The following LTK variants were observed in gnomAD, a reference collection of about 807,000 sequenced individuals.
The protein encoded by LTK is leukocyte tyrosine kinase receptor.
LTK carries 117 observed loss-of-function variants against 101.5 expected under a neutral mutation model. The observed-to-expected ratio is 1.15, with a 90% CI of 0.99 to 1.34. The LOEUF is 1.34. LTK is among the 40% of genes most tolerant of loss of function. The probability of loss-of-function intolerance (pLI) is 0.00; values close to 1 mark genes in which losing one functional copy is unlikely to be tolerated. For synonymous variants in LTK, 563 were observed against 494.2 expected, an observed-to-expected ratio of 1.14 and a Z score of -1.85; for missense variants, 1,252 against 1,164.7, an observed-to-expected ratio of 1.07 and a Z score of -1.09.
chr15:41,509,197 C>G (rs572661941), intron 7 of LTK, 68 bp from the exon 8 acceptor site: 2 of 943,792 alleles, frequency 2.1e-6, no homozygotes, highest in Admixed American at 3.5e-5. Context: ...TGGAATCTCC[C>G]GGTGGAAATC....
chr15:41,511,278 C>A lies in LTK; in HGVS notation c.883G>T (p.Glu295Ter). The change falls in exon 7 of 20, where the codon GAG becomes TAG. Residue 295 changes from glutamate (E) to a stop codon, truncating the protein, a stop_gained. Transcript: ENST00000263800. LOFTEE classifies it high-confidence loss of function. The surrounding 1 kb of genome is among the most constrained non-coding windows in gnomAD (Gnocchi z 5.9). ...QAGRSLQEGA[E>*]GGQGCSEAWA... Reference sequence around the variant, plus strand: ...GCCTCGGAGCAGCCCTGGCCGCCCTCCGCCCCCTCCTGCAGTGAGCGGCCG... The same window carrying A: ...GCCTCGGAGCAGCCCTGGCCGCCCTACGCCCCCTCCTGCAGTGAGCGGCCG... 7.0e-7 allele frequency: 1 copy of A among 1,418,902 alleles called. No homozygotes were observed. The highest frequency in any genetic ancestry group is 9.2e-7 in the Non-Finnish European group (1 of 1,091,590). 87.9% of individuals were successfully genotyped at this position (1,418,902 alleles called of 1,614,324 possible).
In LTK at chr15:41,506,345, T is replaced by C. The variant is rs188652690; in HGVS notation, c.1542-340A>G. On this transcript the variant is annotated intron_variant, in intron 11 of 19. Transcript: ENST00000263800. ...TTTTAAACGAAGTCTCACTCTGTCA[T>C]GCAGGCTGGAGTGCAATAGCGCGAT... 3.0e-3 allele frequency among the ~76,000 whole-genome samples: 460 copies of C among 152,284 alleles called. 1 individual carries two copies. The highest frequency in any genetic ancestry group is 0.01 in the Middle Eastern group (3 of 294).
In LTK at chr15:41,505,394, G is replaced by T; in HGVS notation, c.1827+7C>A. The stretch of plus-strand genomic sequence containing the variant: ...GGGGCCTGGGGGGGCTAAGACAAGG[G>T]TCTCACCAGGTGTGGCCGACTGTGC... On this transcript the variant is annotated splice_region_variant and intron_variant, in intron 14 of 19. Transcript: ENST00000263800. 1 of 1,613,962 alleles carries T rather than the reference G, an allele frequency of 6.2e-7. No homozygotes were observed. The highest frequency in any genetic ancestry group is 8.5e-7 in the Non-Finnish European group (1 of 1,179,956).
At chr15:41,508,928 G>C in intron 8 of LTK, 103 bp downstream of exon 8, 1 of 720,932 alleles carries the variant, frequency 1.4e-6, no homozygotes, top group Non-Finnish European at 2.4e-6. Context: ...TGCTATGCAA[G>C]GTTATTCACA....
At position 41,507,390 on chromosome 15, in the gene LTK, G is replaced by A. The variant is rs569228401; in HGVS notation, c.1346-100C>T. 2.0e-5 allele frequency: 29 copies of A among 1,483,306 alleles called. No individual in the cohort carries two copies. In the East Asian group the frequency reaches 4.9e-4, roughly 25 times the overall value. 91.9% of individuals were successfully genotyped at this position (1,483,306 alleles called of 1,614,324 possible). A position where few individuals can be genotyped will look rare whatever the true frequency, so the allele number is the denominator to read the frequency against. On this transcript the variant is annotated intron_variant, in intron 10 of 19. Transcript: ENST00000263800. ...CCTCCAGATGCTCATTAAGGTAAACGTTTTCCCCAGGCCTCCCCAGCTCCT... is the reference window on the plus strand; with the variant it reads ...CCTCCAGATGCTCATTAAGGTAAACATTTTCCCCAGGCCTCCCCAGCTCCT...
chr15:41,513,257 G>T, intron 1 of LTK, 137 bp from the exon 2 acceptor site: 1 of 1,076,118 alleles, frequency 9.3e-7, no homozygotes, highest in East Asian at 2.9e-5. Context: ...TCTCAGCCTG[G>T]AAGCCACTAC....
chr15:41,507,038 G>A (rs1055822936), intron 11 of LTK, 57 bp downstream of exon 11: 6 of 1,503,844 alleles, frequency 4.0e-6, no homozygotes, highest in Admixed American at 4.0e-5. Context: ...AGCAGGGAGA[G>A]AATCAGAGGT....
In LTK at chr15:41,508,241, T is replaced by G. The variant is rs1189382575; in HGVS notation, c.1097-20A>C. On this transcript the variant is annotated intron_variant, in intron 8 of 19. Coordinates refer to ENST00000263800, the MANE Select transcript of LTK (RefSeq NM_002344.6). ...CGGTGACTGTGAGTAAAAGAACTGA[T>G]ATGATATGGTGTGGTAGGGCTGGGA... The G allele has an allele frequency of 3.1e-6, 5 of 1,603,440 alleles. No homozygotes were observed. In the South Asian group the frequency reaches 4.4e-5, roughly 14 times the overall value.
Position 41,512,125 on chromosome 15 carries a change from G to T in LTK, c.500C>A (p.Ala167Asp). ...YILVGQQGED[A>D]CPGGSPESQL... ...ACTGGCTGCGCTCACTCCGGGACAG[G>T]CGTCCTCTCCCTGCTGCCCCACCAG... Residue 167 changes from alanine (A) to aspartate (D), a missense_variant, in exon 4 of 20, where the codon GCC (alanine) becomes GAC (aspartate). Physicochemically the swap from Ala to Asp is moderately radical, Grantham distance 126. Coordinates refer to ENST00000263800, the MANE Select transcript of LTK (RefSeq NM_002344.6). 1.2e-6 allele frequency: 2 copies of T among 1,609,252 alleles called. No homozygotes were observed. The highest frequency in any genetic ancestry group is 1.7e-6 in the Non-Finnish European group (2 of 1,177,952).
intron 1 of LTK, 41 bp downstream of exon 1, chr15:41,513,626 C>T (rs752791783): frequency 6.2e-7 from 1 of 1,601,910 alleles, no homozygotes; most frequent in Non-Finnish European, 8.5e-7. Flanking sequence ...TAGGAAAGTG[C>T]CTCAGGCTGG....
chr15:41,505,148 GGGC>G (rs2051223132), intron 15 of LTK, 57 bp downstream of exon 15: 2 of 1,586,478 alleles, frequency 1.3e-6, no homozygotes, highest in African/African-American at 1.3e-5. Context: ...CTGTGTGGAA[GGGC>G]TGTTCCTTGG....
intron 10 of LTK, 88 bp from the exon 11 acceptor site, chr15:41,507,378 A>T: frequency 6.8e-7 from 1 of 1,474,898 alleles, no homozygotes; most frequent in South Asian, 1.3e-5. Flanking sequence ...CCAGATGCTC[A>T]TTAAGGTAAA....
intron 18 of LTK, 29 bp from the exon 19 acceptor site, chr15:41,504,461 C>G (rs747620587): frequency 1.2e-6 from 2 of 1,613,892 alleles, no homozygotes; most frequent in Non-Finnish European, 1.7e-6. Context: ...TCATGCCCAC[C>G]CATGGTTGTG....
chr15:41,511,194 T>C lies in LTK; in HGVS notation c.967A>G (p.Thr323Ala), dbSNP rs1356037645. 24 of 1,406,152 alleles carry C rather than the reference T, an allele frequency of 1.7e-5. No individual in the cohort carries two copies. The highest frequency in any genetic ancestry group is 3.0e-5 in the East Asian group (1 of 33,474). The allele number at this position is 1,406,152 out of a possible 1,614,324, so 87.1% of individuals were successfully genotyped here. The change falls in exon 7 of 20, where the codon ACT becomes GCT. Residue 323 changes from threonine to alanine, a missense_variant. Coordinates refer to ENST00000263800, the MANE Select transcript of LTK (RefSeq NM_002344.6). This position sits in a 1 kb window ranked among gnomAD's most constrained non-coding sequence, Gnocchi z 5.9. ...TAGCCGCCGCCGCCTCCGCCCGCAG[T>C]GCAGGCCCCGCCGCCGCCCCCGAAG... ...GGFGGGGGAC[T>A]AGGGGGGYRG...
Position 41,505,706 on chromosome 15 carries a change from G to A in LTK, c.1697+7C>T. 1 of 1,613,708 alleles carries A rather than the reference G, an allele frequency of 6.2e-7. No homozygotes were observed. The highest frequency in any genetic ancestry group is 8.5e-7 in the Non-Finnish European group (1 of 1,179,892). ...CCTTCCAGCCCTGCCCCTGGTCCCA[G>A]GTGCACCTGATGATGAGGGCCTCCA... On this transcript the variant is annotated splice_region_variant and intron_variant, in intron 13 of 19. Transcript: ENST00000263800.
rs556097894 is a variant in LTK, at chr15:41,504,402, G to A, written c.2286C>T (p.His762=). 2.6e-5 allele frequency: 42 copies of A among 1,614,142 alleles called. No homozygotes were observed. In the Admixed American group the frequency reaches 4.3e-4, roughly 17 times the overall value. ...VYRIMTQCWQ[H]EPELRPSFAS... is the part of the protein sequence containing the mutation. ...CAAAGCTAGGGCGGAGCTCAGGCTC[G>A]TGCTGCCAACACTGGGTCATGATGC... The change falls in exon 19 of 20, where the codon CAC becomes CAT. Residue 762 remains histidine, a synonymous_variant. Transcript: ENST00000263800.
At chr15:41,508,296 C>T in intron 8 of LTK, 75 bp from the exon 9 acceptor site, 3 of 1,298,930 alleles carry the variant, frequency 2.3e-6, no homozygotes, top group Non-Finnish European at 3.2e-6. Flanking sequence ...TGGCTGGGTA[C>T]AGTGGCACAC....
At position 41,513,087 on chromosome 15, in the gene LTK, T is replaced by A. The variant is rs759539035; in HGVS notation, c.77A>T (p.Glu26Val). ...CAGGGGCGAGGACCGCAGAAAAGTC[T>A]CCTGGGACCCCGGGCTAGAGCAGAG... ...AILCSSPGSQ[E>V]TFLRSSPLPL... The change falls in exon 2 of 20, where the codon GAG becomes GTG. Residue 26 changes from glutamate (E) to valine (V), a missense_variant. By Grantham distance (121) the Glu-to-Val change is moderately radical. Coordinates refer to ENST00000263800, the MANE Select transcript of LTK (RefSeq NM_002344.6). 2 of 1,609,798 alleles carry A rather than the reference T, an allele frequency of 1.2e-6. No homozygotes were observed. Among genetic ancestry groups the A allele is most frequent in the African/African-American group, 2.7e-5 (2 of 74,774 alleles).
At chr15:41,510,015 C>CT (rs1023211050) in intron 7 of LTK, among the ~76,000 whole-genome samples, 11 of 151,030 alleles carry the variant, frequency 7.3e-5, no homozygotes, top group Non-Finnish European at 1.0e-4. Context: ...ATTTTCTTTT[C>CT]TTTTTTTTTG....
Sources: gnomAD v4.1 joint callset for allele counts (sites outside exome capture counted in the v4.1 genomes callset) on GRCh38, gnomAD v4.1.1 for gene constraint, Gnocchi (gnomAD v3.1) non-coding constraint, MANE v1.5 for transcripts, NCBI Gene and HGNC (gene_info 2026-07-23, HGNC 2026-07-21) for gene names.